Variants in SEC14L3 observed in about 807,000 individuals in gnomAD.
SEC14L3 encodes the protein SEC14-like protein 3.
In SEC14L3, 56 loss-of-function variants were observed where a neutral mutation model predicts 57.4. The observed-to-expected ratio is 0.97, with a 90% CI of 0.79 to 1.22. The LOEUF (loss-of-function observed/expected upper bound fraction) is 1.22. Ranked by LOEUF, SEC14L3 falls within the 50% of genes most tolerant of loss-of-function variation. The probability of loss-of-function intolerance (pLI) is 0.00; values close to 1 mark genes in which losing one functional copy is unlikely to be tolerated. For synonymous variants in SEC14L3, 173 were observed against 194.4 expected, an observed-to-expected ratio of 0.89 and a Z score of 0.92; for missense variants, 485 against 511.7, an observed-to-expected ratio of 0.95 and a Z score of 0.50.
chr22:30,470,003 G>A lies in SEC14L3; in HGVS notation c.234+16C>T, dbSNP rs767794056. On this transcript the variant is annotated intron_variant, in intron 4 of 11. Coordinates refer to ENST00000215812, the MANE Select transcript of SEC14L3 (RefSeq NM_174975.5). ...ACGTCCGTGAAAGACTGAGGTGTTT[G>A]GCGGTGTTGGCTCACCTCTGGGGGC... 6.6e-7 allele frequency: 1 copy of A among 1,523,610 alleles called. No homozygotes were observed. 94.4% of individuals were successfully genotyped at this position (1,523,610 alleles called of 1,614,324 possible).
At chr22:30,462,230 G>T (rs1231526278) in intron 8 of SEC14L3, 38 bp from the exon 9 acceptor site, 46 of 1,579,616 alleles carry the variant, frequency 2.9e-5, no homozygotes, top group Non-Finnish European at 3.6e-5. Flanking sequence ...TAGCAAGCAT[G>T]GGGGGCACCA....
downstream of SEC14L3, among the ~76,000 whole-genome samples, chr22:30,458,273 G>T (rs1350479569): frequency 6.6e-6 from 1 of 152,210 alleles, no homozygotes; most frequent in African/African-American, 2.4e-5. Context: ...GTCACCCAGG[G>T]TCATGGTGAG....
chr22:30,468,870 C>A, intron 4 of SEC14L3, 174 bp from the exon 5 acceptor site: 1 of 1,543,496 alleles, frequency 6.5e-7, no homozygotes, highest in South Asian at 1.2e-5. Flanking sequence ...CAGGGGAGGG[C>A]CTTGCTCACA....
downstream of SEC14L3, among the ~76,000 whole-genome samples, chr22:30,458,055 A>G (rs187119482): frequency 4.6e-5 from 7 of 152,306 alleles, no homozygotes; most frequent in Non-Finnish European, 8.8e-5. Flanking sequence ...TAGCCTGCCC[A>G]CGGATGAGCT....
Position 30,460,015 on chromosome 22 carries a change from A to C in SEC14L3, c.*6T>G. The stretch of plus-strand genomic sequence containing the variant: ...TTAGGAGGTCTCTGAGAAATGAGGG[A>C]GCCACCTAGACAGGGGTGAGCTCCT... On this transcript the variant is annotated 3_prime_UTR_variant, in exon 12 of 12. Transcript: ENST00000215812. 6.2e-7 allele frequency: 1 copy of C among 1,613,534 alleles called. No homozygotes were observed. Among genetic ancestry groups the C allele is most frequent in the African/African-American group, 1.3e-5 (1 of 75,002 alleles).
At chr22:30,462,260 C>G (rs1458548654) in intron 8 of SEC14L3, 68 bp from the exon 9 acceptor site, 2 of 1,524,244 alleles carry the variant, frequency 1.3e-6, no homozygotes, top group South Asian at 1.3e-5. Flanking sequence ...CCACACCCAC[C>G]AGGATGACCT....
intron 4 of SEC14L3, 187 bp from the exon 5 acceptor site, chr22:30,468,883 G>A: frequency 2.6e-6 from 4 of 1,533,940 alleles, no homozygotes; most frequent in Non-Finnish European, 2.6e-6. Context: ...TGCTCACAGA[G>A]GGTAAATGGC....
chr22:30,455,112 T>A (rs866272891), downstream of SEC14L3, among the ~76,000 whole-genome samples: 4 of 59,220 alleles, frequency 6.8e-5, no homozygotes, highest in African/African-American at 1.6e-4. Context: ...ATTTAATATT[T>A]AATATTTAAT....
intron 1 of SEC14L3, among the ~76,000 whole-genome samples, chr22:30,470,963 G>A (rs1707921137): frequency 6.6e-6 from 1 of 152,112 alleles, no homozygotes; most frequent in African/African-American, 2.4e-5. Context: ...GTGGCTGCGT[G>A]GGTAGGAAGA....
intron 7 of SEC14L3, among the ~76,000 whole-genome samples, chr22:30,465,192 C>G (rs896826592): frequency 6.6e-6 from 1 of 152,194 alleles, no homozygotes; most frequent in Non-Finnish European, 1.5e-5. Flanking sequence ...ACCAATAAAC[C>G]AGCCAACCTA....
chr22:30,461,665 G>A lies in SEC14L3; in HGVS notation c.801C>T (p.Ser267=). ...KINYGGEIPK[S]MYVRDQVKTQ... The stretch of plus-strand genomic sequence containing the variant: ...TCTTCACCTGGTCCCGCACGTACAT[G>A]GACTTGGGGATCTCCCCGCCATAGT... Residue 267 remains serine, a synonymous_variant, in exon 10 of 12, where the codon TCC becomes TCT. Transcript: ENST00000215812. 2 of 1,609,992 alleles carry A rather than the reference G, an allele frequency of 1.2e-6. No individual in the cohort carries two copies. The highest frequency in any genetic ancestry group is 1.7e-6 in the Non-Finnish European group (2 of 1,177,450).
At position 30,461,474 on chromosome 22, in the gene SEC14L3, T is replaced by A. The variant is rs1281195748; in HGVS notation, c.917A>T (p.Gln306Leu). The part of the protein sequence containing the change: ...ILFPGCVLRW[Q>L]FSSDGADIGF... ...GATGTCCGCACCATCAGATGAGAAC[T>A]GCCACCTGTCAGGGGGAGGGGGAGG... is the stretch of plus-strand genomic sequence containing the variant. Residue 306 changes from glutamine to leucine, a missense_variant, in exon 11 of 12, where the codon CAG becomes CTG. Gln to Leu is a moderately radical substitution (Grantham distance 113). Transcript: ENST00000215812. The A allele has an allele frequency of 6.2e-7, 1 of 1,613,452 alleles. No individual in the cohort carries two copies. Among genetic ancestry groups the A allele is most frequent in the Non-Finnish European group, 8.5e-7 (1 of 1,179,566 alleles).
At chr22:30,470,380 C>A in intron 2 of SEC14L3, 125 bp from the exon 3 acceptor site, 1 of 1,594,616 alleles carries the variant, frequency 6.3e-7, no homozygotes, top group East Asian at 2.3e-5. Flanking sequence ...CTTCCCTCCT[C>A]TGGACCTGAA....
At chr22:30,448,961 A>G (rs1201626656) in exon 13 of SEC14L3, 2 of 853,640 alleles carry the variant, frequency 2.3e-6, no homozygotes, top group East Asian at 5.3e-5. Flanking sequence ...CTCTGAGTAT[A>G]GATAACCCCT....
intron 8 of SEC14L3, among the ~76,000 whole-genome samples, chr22:30,463,974 T>A (rs937649416): frequency 1.3e-5 from 2 of 152,264 alleles, no homozygotes; most frequent in African/African-American, 4.8e-5. Context: ...AATAAGATTA[T>A]ACTTTTAGTT....
intron 1 of SEC14L3, among the ~76,000 whole-genome samples, 168 bp downstream of exon 1, chr22:30,471,737 T>C (rs916632369): frequency 6.6e-6 from 1 of 152,184 alleles, no homozygotes; most frequent in Admixed American, 6.5e-5. Context: ...CGGGACAGGG[T>C]TGATGTTACT....
downstream of SEC14L3, among the ~76,000 whole-genome samples, chr22:30,454,894 AATAG>A (rs1437967098): frequency 0.012 from 237 of 19,380 alleles, 2 homozygotes; most frequent in Non-Finnish European, 0.014. Flanking sequence ...TATATTATAT[AATAG>A]ATATATAATA....
Position 30,459,820 on chromosome 22 carries a change from T to C in SEC14L3, c.*201A>G. 1.6e-6 allele frequency: 2 copies of C among 1,274,970 alleles called. No homozygotes were observed. The highest frequency in any genetic ancestry group is 2.0e-6 in the Non-Finnish European group (2 of 1,005,220). 79.0% of individuals were successfully genotyped at this position (1,274,970 alleles called of 1,614,324 possible). A position where few individuals can be genotyped will look rare whatever the true frequency, so the allele number is the denominator to read the frequency against. Reference sequence around the variant, plus strand: ...CCTTGCTTTTTCCTCTTCTGCAACCTTGGTACCCTCCAAGGTTGTGCCTCT... The same window carrying C: ...CCTTGCTTTTTCCTCTTCTGCAACCCTGGTACCCTCCAAGGTTGTGCCTCT... On this transcript the variant is annotated 3_prime_UTR_variant, in exon 12 of 12. Coordinates refer to ENST00000215812, the MANE Select transcript of SEC14L3 (RefSeq NM_174975.5).
At chr22:30,471,378 GC>G in intron 1 of SEC14L3, 1 of 418,050 alleles carries the variant, frequency 2.4e-6, no homozygotes, top group Non-Finnish European at 4.7e-6. Context: ...CCATGTGTTA[GC>G]CCTCAAAACA....
Sources: gnomAD v4.1 joint callset for allele counts (sites outside exome capture counted in the v4.1 genomes callset) on GRCh38, gnomAD v4.1.1 for gene constraint, MANE v1.5 for transcripts, NCBI Gene and HGNC (gene_info 2026-07-23, HGNC 2026-07-21) for gene names.